GDAP1L1: variants seen among roughly 807,000 people sequenced by gnomAD.
GDAP1L1 encodes the protein ganglioside induced differentiation associated protein 1 like 1.
GDAP1L1 carries 21 observed loss-of-function variants against 37.1 expected under a neutral mutation model. That is an observed-to-expected ratio of 0.57 (90% CI 0.40 to 0.81). The LOEUF is 0.81. Ranked by LOEUF, GDAP1L1 falls within the 40% of genes least tolerant of loss-of-function variation. The pLI, the probability that GDAP1L1 is intolerant of heterozygous loss-of-function variation, is 0.00. For synonymous variants in GDAP1L1, 193 were observed against 209.1 expected (o/e 0.92, Z 0.67); for missense variants, 362 against 491.6 (o/e 0.74, Z 2.49).
chr20:44,251,859 G>A (rs148743953), intron 1 of GDAP1L1, among the ~76,000 whole-genome samples: 192 of 152,314 alleles, frequency 1.3e-3, no homozygotes, highest in African/African-American at 4.5e-3. Flanking sequence ...AAAACCAATC[G>A]TATTGAAGTA....
chr20:44,279,343 G>T lies in GDAP1L1; in HGVS notation c.*43G>T, dbSNP rs773681408. 1.6e-6 allele frequency: 2 copies of T among 1,278,374 alleles called. No individual in the cohort carries two copies. The highest frequency in any genetic ancestry group is 2.3e-6 in the Non-Finnish European group (2 of 888,018). The allele number at this position is 1,278,374 out of a possible 1,614,324, so 79.2% of individuals were successfully genotyped here. A position where few individuals can be genotyped will look rare whatever the true frequency, so the allele number is the denominator to read the frequency against. Reference sequence around the variant, plus strand: ...GGTGTCTGACTGTCGGTGTCTCTGTGCTGTGTGATTCCCCGTGAGCTCTCA... The same window carrying T: ...GGTGTCTGACTGTCGGTGTCTCTGTTCTGTGTGATTCCCCGTGAGCTCTCA... On this transcript the variant is annotated 3_prime_UTR_variant, in exon 6 of 6. Coordinates refer to ENST00000342560, the MANE Select transcript of GDAP1L1 (RefSeq NM_024034.6).
At chr20:44,266,669 C>T (rs993124375) in intron 5 of GDAP1L1, among the ~76,000 whole-genome samples, 4 of 152,094 alleles carry the variant, frequency 2.6e-5, no homozygotes, top group African/African-American at 9.7e-5. Flanking sequence ...AAGTGGCTGC[C>T]TTCTTGCCGT....
At chr20:44,264,909 A>T (rs2073737655) in intron 5 of GDAP1L1, 1 of 1,057,062 alleles carries the variant, frequency 9.5e-7, no homozygotes, top group African/African-American at 1.7e-5. Flanking sequence ...GGTGAAGATG[A>T]TGTTAAGAGG....
At chr20:44,278,917 G>C (rs1424756672) in intron 5 of GDAP1L1, 40 bp from the exon 6 acceptor site, 2 of 1,303,074 alleles carry the variant, frequency 1.5e-6, no homozygotes, top group Non-Finnish European at 2.2e-6. Context: ...TGTGTGTTAG[G>C]GGAGGCTGAT....
Position 44,279,633 on chromosome 20 carries a change from G to T in GDAP1L1, c.*333G>T, listed in dbSNP as rs1188218910. ...GGTTAGGATCTGAGGTGAGTCCCAG[G>T]ATGTTTCGTCCACCAGGGCCCAGAT... is the stretch of plus-strand genomic sequence containing the variant. On this transcript the variant is annotated 3_prime_UTR_variant, in exon 6 of 6. Coordinates refer to ENST00000342560, the MANE Select transcript of GDAP1L1 (RefSeq NM_024034.6). 1 of 492,040 alleles carries T rather than the reference G, an allele frequency of 2.0e-6. No individual in the cohort carries two copies. The highest frequency in any genetic ancestry group is 4.1e-6 in the Non-Finnish European group (1 of 241,320). The allele number at this position is 492,040 out of a possible 1,614,324, so 30.5% of individuals were successfully genotyped here. A position where few individuals can be genotyped will look rare whatever the true frequency, so the allele number is the denominator to read the frequency against.
Position 44,258,570 on chromosome 20 carries a change from C to T in GDAP1L1, c.510C>T (p.Asp170=). The change falls in exon 3 of 6, where the codon GAC becomes GAT. Residue 170 remains aspartate, a synonymous_variant. Transcript: ENST00000342560. ...TCCTGCATCCCGAGCTCACCACCGA[C>T]TCCATGATCCCCAAGTACGCCACGG... The part of the protein sequence containing the change: ...GCILHPELTT[D]SMIPKYATAE... The T allele has an allele frequency of 1.2e-6, 2 of 1,600,888 alleles. No individual in the cohort carries two copies. The highest frequency in any genetic ancestry group is 8.5e-7 in the Non-Finnish European group (1 of 1,174,582).
Position 44,258,646 on chromosome 20 carries a change from C to G in GDAP1L1, c.547+39C>G, listed in dbSNP as rs369278943. The G allele has an allele frequency of 5.5e-6, 8 of 1,454,416 alleles. No homozygotes were observed. In the South Asian group the frequency reaches 1.0e-4, roughly 18 times the overall value. 90.1% of individuals were successfully genotyped at this position (1,454,416 alleles called of 1,614,324 possible). On this transcript the variant is annotated intron_variant, in intron 3 of 5. Coordinates refer to ENST00000342560, the MANE Select transcript of GDAP1L1 (RefSeq NM_024034.6). ...CGGCGAGACAGCCCCTCTGCTTTCC[C>G]CCTTTGCGCCGCTCCTTTCTTCCAA... is the stretch of plus-strand genomic sequence containing the variant.
chr20:44,263,923 G>A (rs1367424662), intron 4 of GDAP1L1, among the ~76,000 whole-genome samples: 11 of 152,094 alleles, frequency 7.2e-5, no homozygotes, highest in Admixed American at 6.5e-4. Context: ...GGGAAAGGAG[G>A]TATTGAAGGA....
chr20:44,272,571 G>A (rs1234307974), intron 5 of GDAP1L1, among the ~76,000 whole-genome samples: 1 of 152,106 alleles, frequency 6.6e-6, no homozygotes, highest in Non-Finnish European at 1.5e-5. Flanking sequence ...TTGTGAGATC[G>A]CCTCCAGCTG....
At position 44,247,376 on chromosome 20, in the gene GDAP1L1, G is replaced by A. The variant is rs765043496; in HGVS notation, c.42G>A (p.Trp14Ter). 6.2e-7 allele frequency: 1 copy of A among 1,613,520 alleles called. No individual in the cohort carries two copies. ...PNNLTPTNCS[W>*]WPISALESDA... ...ATCTGACCCCCACCAACTGCAGCTG[G>A]TGGCCCATCTCCGCGCTGGAGAGCG... The change falls in exon 1 of 6, where the codon TGG becomes TGA. Residue 14 changes from tryptophan (W) to a stop codon, truncating the protein, a stop_gained. Coordinates refer to ENST00000342560, the MANE Select transcript of GDAP1L1 (RefSeq NM_024034.6). LOFTEE classifies it high-confidence loss of function.
chr20:44,258,376 G>A (rs748447838), intron 2 of GDAP1L1, 58 bp from the exon 3 acceptor site: 6 of 1,514,732 alleles, frequency 4.0e-6, no homozygotes, highest in South Asian at 3.6e-5. Context: ...GCCGGGGGCA[G>A]GTGGCCGGGG....
At chr20:44,252,003 G>T (rs958093559) in intron 1 of GDAP1L1, among the ~76,000 whole-genome samples, 1 of 152,216 alleles carries the variant, frequency 6.6e-6, no homozygotes, top group African/African-American at 2.4e-5. Context: ...TGCAACAACT[G>T]TGAAGTGATG....
At position 44,280,506 on chromosome 20, in the gene GDAP1L1, C is replaced by G. The variant is rs756569881; in HGVS notation, c.*1206C>G. On this transcript the variant is annotated 3_prime_UTR_variant, in exon 6 of 6. Coordinates refer to ENST00000342560, the MANE Select transcript of GDAP1L1 (RefSeq NM_024034.6). ...GCAAGCAAGAGTTGACTGCCTGTCT[C>G]AAGTTGCTGGGTCTGGGGCTGGCTT... is the stretch of plus-strand genomic sequence containing the variant. The G allele has an allele frequency of 6.5e-6, 1 of 152,696 alleles. No individual in the cohort carries two copies. Among genetic ancestry groups the G allele is most frequent in the Non-Finnish European group, 1.5e-5 (1 of 68,160 alleles). The allele number at this position is 152,696 out of a possible 1,614,324, so 9.5% of individuals were successfully genotyped here. A position where few individuals can be genotyped will look rare whatever the true frequency, so the allele number is the denominator to read the frequency against.
intron 1 of GDAP1L1, among the ~76,000 whole-genome samples, chr20:44,249,333 C>A (rs548410822): frequency 2.6e-5 from 4 of 152,086 alleles, no homozygotes; most frequent in Non-Finnish European, 5.9e-5. Flanking sequence ...CCACCAGGAG[C>A]GGCCGTTATG....
intron 5 of GDAP1L1, chr20:44,265,354 C>T (rs1010680834): frequency 2.0e-6 from 2 of 985,408 alleles, no homozygotes; most frequent in African/African-American, 1.7e-5. Flanking sequence ...TTGCCACAGC[C>T]CTTCTTCAAA....
intron 1 of GDAP1L1, among the ~76,000 whole-genome samples, chr20:44,250,251 C>T (rs1327853133): frequency 2.0e-5 from 3 of 152,228 alleles, no homozygotes; most frequent in African/African-American, 7.2e-5. Flanking sequence ...TATGACCAGA[C>T]TGCCTGGGCT....
At chr20:44,259,057 T>G (rs1276114874) in intron 3 of GDAP1L1, among the ~76,000 whole-genome samples, 2 of 151,836 alleles carry the variant, frequency 1.3e-5, no homozygotes, top group African/African-American at 4.8e-5. Flanking sequence ...AGGGCTGTGC[T>G]TCGTGGCCAA....
chr20:44,268,789 G>A (rs1480699102), intron 5 of GDAP1L1, among the ~76,000 whole-genome samples: 1 of 152,214 alleles, frequency 6.6e-6, no homozygotes, highest in African/African-American at 2.4e-5. Flanking sequence ...CGGGAAAGTG[G>A]TGGGAATGAG....
At chr20:44,264,667 G>C in intron 5 of GDAP1L1, 108 bp downstream of exon 5, 1 of 1,509,700 alleles carries the variant, frequency 6.6e-7, no homozygotes, top group African/African-American at 1.4e-5. Flanking sequence ...GACCTCCCAG[G>C]TGGTTAAGAG....
Sources: gnomAD v4.1 joint callset for allele counts (sites outside exome capture counted in the v4.1 genomes callset) on GRCh38, gnomAD v4.1.1 for gene constraint, MANE v1.5 for transcripts, NCBI Gene and HGNC (gene_info 2026-07-23, HGNC 2026-07-21) for gene names.